Variants in CNTN5 observed in about 807,000 individuals in gnomAD.
CNTN5 encodes the protein contactin 5, also known as contactin-5.
A neutral mutation model predicts 129.1 loss-of-function variants in CNTN5; 77 were observed. The observed-to-expected ratio is 0.60, with a 90% CI of 0.50 to 0.72. The LOEUF is 0.72. Among genes scored for constraint, CNTN5 ranks in the 30% least tolerant of loss-of-function variants. The pLI is 0.00. For synonymous variants in CNTN5, 509 were observed against 465.6 expected (o/e 1.09, Z -1.20); for missense variants, 1,478 against 1,328.8 (o/e 1.11, Z -1.75).
At chr11:99,746,056 T>C (rs11828361) in intron 3 of CNTN5, among the ~76,000 whole-genome samples, 12,623 of 152,256 alleles carry the variant, frequency 0.083, 897 homozygotes, top group African/African-American at 0.2. Context: ...AGATCAGATG[T>C]GACCACTACC....
intron 1 of CNTN5, among the ~76,000 whole-genome samples, chr11:99,112,531 C>T (rs1271793637): frequency 3.3e-5 from 5 of 152,086 alleles, no homozygotes; most frequent in East Asian, 3.9e-4. Flanking sequence ...TGAATGCACA[C>T]GTTTCTTTTG....
chr11:100,341,174 T>C lies in CNTN5; in HGVS notation c.2999T>C (p.Leu1000Ser), dbSNP rs757538847. 5.9e-5 allele frequency: 96 copies of C among 1,613,800 alleles called. No homozygotes were observed. In the East Asian group the frequency reaches 2.1e-3, roughly 36 times the overall value. The change falls in exon 23 of 25, where the codon TTA (leucine) becomes TCA (serine). Residue 1000 changes from leucine (L) to serine (S), a missense_variant. Coordinates refer to ENST00000524871, the MANE Select transcript of CNTN5 (RefSeq NM_014361.4). Reference protein sequence around the residue: ...VSLGWEPVIPLANESEVVGYK... With the variant: ...VSLGWEPVIPSANESEVVGYK... Reference sequence around the variant, plus strand: ...CTGGGCTGGGAACCCGTCATACCATTAGCCAACGAATCTGAAGTTGTGGGT... The same window carrying C: ...CTGGGCTGGGAACCCGTCATACCATCAGCCAACGAATCTGAAGTTGTGGGT...
At chr11:100,300,507 G>A (rs184800073) in intron 20 of CNTN5, among the ~76,000 whole-genome samples, 1 of 151,628 alleles carries the variant, frequency 6.6e-6, no homozygotes, top group East Asian at 1.9e-4. Context: ...GTGCCCACAT[G>A]TAGGACTTGA....
At chr11:99,726,965 C>T (rs1943362070) in intron 3 of CNTN5, among the ~76,000 whole-genome samples, 1 of 152,120 alleles carries the variant, frequency 6.6e-6, no homozygotes, top group African/African-American at 2.4e-5. Context: ...CTATCTTAGT[C>T]TAGTTTTTGT....
intron 2 of CNTN5, among the ~76,000 whole-genome samples, chr11:99,488,436 G>T (rs993311678): frequency 5.3e-5 from 8 of 152,070 alleles, no homozygotes; most frequent in African/African-American, 1.4e-4. Flanking sequence ...CTCCCAAAGT[G>T]CTGGGTTTAC....
intron 3 of CNTN5, among the ~76,000 whole-genome samples, chr11:99,706,840 C>CTTTTTTTT (rs11451959): frequency 7.2e-6 from 1 of 139,618 alleles, no homozygotes; most frequent in African/African-American, 2.6e-5. Flanking sequence ...TGTGTCTGGT[C>CTTTTTTTT]TTTTTTTTTT....
intron 13 of CNTN5, among the ~76,000 whole-genome samples, chr11:100,152,533 AGCTG>A (rs1490034829): frequency 6.6e-6 from 1 of 152,110 alleles, no homozygotes; most frequent in Admixed American, 6.6e-5. Flanking sequence ...AGGCTGATGA[AGCTG>A]TGATGAAGGT....
At position 100,262,450 on chromosome 11, in the gene CNTN5, A is replaced by G. The variant is rs539895837; in HGVS notation, c.2164+6532A>G. Reference sequence around the variant, plus strand: ...CAATCCTATTACTGGGTATATATCCAGAGGATTATAAATCACTGTACTATA... The same window carrying G: ...CAATCCTATTACTGGGTATATATCCGGAGGATTATAAATCACTGTACTATA... On this transcript the variant is annotated intron_variant, in intron 17 of 24. Transcript: ENST00000524871. Among the ~76,000 whole-genome samples, 8 of 152,352 alleles carry G rather than the reference A, an allele frequency of 5.3e-5. No individual in the cohort carries two copies. In the East Asian group the frequency reaches 1.5e-3, roughly 29 times the overall value.
chr11:99,029,992 T>TTTCATTTGTTA, intron 1 of CNTN5, among the ~76,000 whole-genome samples: 3 of 152,148 alleles, frequency 2.0e-5, no homozygotes, highest in African/African-American at 7.2e-5. Flanking sequence ...ATCTAGGGAT[T>TTTCATTTGTTA]GACAACTGCA....
At chr11:99,249,962 A>G (rs910737134) in intron 1 of CNTN5, among the ~76,000 whole-genome samples, 2 of 151,932 alleles carry the variant, frequency 1.3e-5, no homozygotes, top group Admixed American at 6.6e-5. Context: ...GAGTTGTTTG[A>G]GCTTTTTTGT....
At chr11:99,470,834 C>G (rs1945144307) in intron 2 of CNTN5, among the ~76,000 whole-genome samples, 1 of 151,842 alleles carries the variant, frequency 6.6e-6, no homozygotes, top group East Asian at 1.9e-4. Flanking sequence ...ATCATTATAG[C>G]TATATTCTGA....
chr11:99,964,009 G>A (rs1349150853), intron 8 of CNTN5, among the ~76,000 whole-genome samples: 2 of 152,176 alleles, frequency 1.3e-5, no homozygotes, highest in African/African-American at 4.8e-5. Context: ...CACTGATTTT[G>A]TATGCCGAGA....
chr11:99,804,217 A>G (rs879080166), intron 3 of CNTN5, among the ~76,000 whole-genome samples: 3 of 152,084 alleles, frequency 2.0e-5, no homozygotes, highest in Non-Finnish European at 2.9e-5. Flanking sequence ...TGGTAGATAC[A>G]TTTATTTGGA....
chr11:99,859,296 T>C (rs767693756), intron 6 of CNTN5, among the ~76,000 whole-genome samples: 7 of 152,224 alleles, frequency 4.6e-5, no homozygotes, highest in African/African-American at 7.2e-5. Flanking sequence ...GTATGTAATA[T>C]ATCTGATGTA....
chr11:99,161,346 T>C (rs1189638169), intron 1 of CNTN5, among the ~76,000 whole-genome samples: 1 of 152,162 alleles, frequency 6.6e-6, no homozygotes, highest in African/African-American at 2.4e-5. Flanking sequence ...TAACAGAATC[T>C]TATGTATTTT....
rs1269727270 is a variant in CNTN5 at position 99,980,895 on chromosome 11, T to C, written c.878-21139T>C. On this transcript the variant is annotated intron_variant, in intron 8 of 24. Coordinates refer to ENST00000524871, the MANE Select transcript of CNTN5 (RefSeq NM_014361.4). ...AAGATAGAATTTCATTTTATCAATG[T>C]CAAAGAGCTAAAATACCTTTAATGA... 5.3e-5 allele frequency among the ~76,000 whole-genome samples: 8 copies of C among 151,848 alleles called. No individual in the cohort carries two copies. In the East Asian group the frequency reaches 1.6e-3, roughly 29 times the overall value.
intron 9 of CNTN5, among the ~76,000 whole-genome samples, chr11:100,034,858 C>A (rs779231912): frequency 6.6e-6 from 1 of 152,062 alleles, no homozygotes; most frequent in Non-Finnish European, 1.5e-5. Context: ...CAGGATATGT[C>A]CAGGTTGATT....
chr11:99,402,587 C>T (rs190547184), intron 2 of CNTN5, among the ~76,000 whole-genome samples: 10 of 152,210 alleles, frequency 6.6e-5, no homozygotes, highest in Admixed American at 6.5e-5. Context: ...ATACTGACAT[C>T]GTAGAATACT....
chr11:99,169,543 A>G (rs1861049336), intron 1 of CNTN5, among the ~76,000 whole-genome samples: 1 of 152,294 alleles, frequency 6.6e-6, no homozygotes, highest in East Asian at 1.9e-4. Flanking sequence ...AGCCATTAAT[A>G]AGAAGAATAA....
Sources: allele counts gnomAD v4.1 joint callset (sites outside exome capture counted in the v4.1 genomes callset), GRCh38; gene constraint gnomAD v4.1.1; transcripts MANE v1.5; gene names NCBI Gene and HGNC (gene_info 2026-07-23, HGNC 2026-07-21).